COL18A1: variants seen among roughly 807,000 people sequenced by gnomAD.
COL18A1 encodes the protein collagen alpha-1(XVIII) chain.
COL18A1 carries 133 observed loss-of-function variants against 168.0 expected under a neutral mutation model. The observed-to-expected ratio is 0.79, with a 90% CI of 0.69 to 0.91. COL18A1 has a LOEUF of 0.91. Among genes scored for constraint, COL18A1 ranks in the 40% least tolerant of loss-of-function variants. The pLI, the probability that COL18A1 is intolerant of heterozygous loss-of-function variation, is 0.00. For missense variants in COL18A1, 2,126 were observed against 1,925.4 expected (o/e 1.10, Z -1.95); for synonymous variants, 949 against 809.0 (o/e 1.17, Z -2.94).
At chr21:45,497,189 A>G in intron 31 of COL18A1, 97 bp downstream of exon 31, 1 of 844,052 alleles carries the variant, frequency 1.2e-6, no homozygotes, top group Non-Finnish European at 2.0e-6. Flanking sequence ...AGACTCCCCC[A>G]GTGGCCCAAG....
intron 13 of COL18A1, among the ~76,000 whole-genome samples, chr21:45,481,569 G>A (rs549953415): frequency 4.6e-5 from 7 of 152,196 alleles, no homozygotes; most frequent in African/African-American, 1.7e-4. Context: ...CGTCACCATC[G>A]GCTCTGAGGC....
chr21:45,510,619 T>C (rs1272653802), intron 40 of COL18A1, among the ~76,000 whole-genome samples: 1 of 152,216 alleles, frequency 6.6e-6, no homozygotes, highest in African/African-American at 2.4e-5. Context: ...AACCGTCCTT[T>C]GGGCCTCTAG....
chr21:45,437,264 A>T (rs2034149518), intron 2 of COL18A1, among the ~76,000 whole-genome samples: 1 of 102,744 alleles, frequency 9.7e-6, no homozygotes, highest in African/African-American at 4.6e-5. Flanking sequence ...ACACTCACAC[A>T]CTCAGACACA....
chr21:45,498,618 G>C lies in COL18A1; in HGVS notation c.2683+957G>C, dbSNP rs1417921251. On this transcript the variant is annotated intron_variant, in intron 32 of 41. Transcript: ENST00000651438. This position sits in a 1 kb window ranked among gnomAD's most constrained non-coding sequence, Gnocchi z 4.5. ...GGCCGGGACATCCTTAAGGCCTGTG[G>C]AGGCAAAGGCAGGCAGAAAGCAAGC... is the stretch of plus-strand genomic sequence containing the variant. 2 of 707,254 alleles carry C rather than the reference G, an allele frequency of 2.8e-6. No individual in the cohort carries two copies. Among genetic ancestry groups the C allele is most frequent in the African/African-American group, 1.8e-5 (1 of 56,938 alleles). The allele number at this position is 707,254 out of a possible 1,614,324, so 43.8% of individuals were successfully genotyped here.
At chr21:45,461,885 C>T (rs1038664032) in intron 2 of COL18A1, among the ~76,000 whole-genome samples, 5 of 152,346 alleles carry the variant, frequency 3.3e-5, no homozygotes, top group Middle Eastern at 3.4e-3. Flanking sequence ...ATGTGACTTA[C>T]TGTTATTGAC....
chr21:45,512,532 G>A lies in COL18A1; in HGVS notation c.*134G>A, dbSNP rs570448232. 1.9e-4 allele frequency: 147 copies of A among 782,896 alleles called. No individual in the cohort carries two copies. The highest frequency in any genetic ancestry group is 2.7e-4 in the Non-Finnish European group (131 of 481,110). The allele number at this position is 782,896 out of a possible 1,614,324, so 48.5% of individuals were successfully genotyped here. On this transcript the variant is annotated 3_prime_UTR_variant, in exon 42 of 42. Transcript: ENST00000651438. ...CTTTCCTGTATAGTTCACGTTTCAT[G>A]TAATCCTCAAGAAATAAAAGGAAGC...
chr21:45,441,089 A>C (rs2145815917), intron 2 of COL18A1, among the ~76,000 whole-genome samples: 1 of 152,260 alleles, frequency 6.6e-6, no homozygotes, highest in African/African-American at 2.4e-5. Flanking sequence ...CCACCGCCTC[A>C]CATGGCCCTG....
At position 45,494,615 on chromosome 21, in the gene COL18A1, C is replaced by T. The variant is rs369880609; in HGVS notation, c.2379+44C>T. The stretch of plus-strand genomic sequence containing the variant: ...TTCTCTGCACTGAGCTCGGGCATGA[C>T]GGCCCCCAAGGACACGGTCGCCCGC... On this transcript the variant is annotated intron_variant, in intron 27 of 41. Transcript: ENST00000651438. 141 of 1,612,192 alleles carry T rather than the reference C, an allele frequency of 8.7e-5. No individual in the cohort carries two copies. In the Middle Eastern group the frequency reaches 6.5e-3, roughly 74 times the overall value.
rs1779148929 is a variant in COL18A1 at position 45,479,946 on chromosome 21, A to G, written c.1293A>G (p.Val431=). The G allele has an allele frequency of 6.2e-7, 1 of 1,613,614 alleles. No homozygotes were observed. The highest frequency in any genetic ancestry group is 8.5e-7 in the Non-Finnish European group (1 of 1,179,914). Residue 431 remains valine (V), a synonymous_variant, in exon 10 of 42, where the codon GTA becomes GTG. Transcript: ENST00000651438. ...GCTTCCCCGGGACTCCAGGGGACGT[A>G]GGTCCCAAGGGCGACAAGGTGAGTC... The part of the protein sequence containing the change: ...PQGFPGTPGD[V]GPKGDKGDPG...
At chr21:45,422,397 C>A (rs536992230) in intron 2 of COL18A1, 1 of 507,398 alleles carries the variant, frequency 2.0e-6, no homozygotes, top group Non-Finnish European at 4.1e-6. Flanking sequence ...CGCCTGTGGG[C>A]ACTGAGGGTC....
intron 2 of COL18A1, among the ~76,000 whole-genome samples, chr21:45,413,431 G>A (rs1012591230): frequency 6.6e-6 from 1 of 152,214 alleles, no homozygotes; most frequent in Non-Finnish European, 1.5e-5. Context: ...GTGACTGGGC[G>A]GCAAACATTT....
intron 2 of COL18A1, among the ~76,000 whole-genome samples, chr21:45,413,172 C>T (rs12482797): frequency 0.018 from 2,806 of 152,326 alleles, 27 homozygotes; most frequent in Middle Eastern, 0.037. Context: ...GGCAGAGCCC[C>T]GTAGGAGGGA....
intron 2 of COL18A1, among the ~76,000 whole-genome samples, chr21:45,441,977 C>T (rs989138312): frequency 1.3e-5 from 2 of 152,238 alleles, no homozygotes; most frequent in Non-Finnish European, 2.9e-5. Flanking sequence ...GACCCTCACT[C>T]CAGGGAGAGG....
At chr21:45,419,989 T>G (rs2838917) in intron 2 of COL18A1, 2 of 152,102 alleles carry the variant, frequency 1.3e-5, no homozygotes, top group East Asian at 3.9e-4. Flanking sequence ...CATCCTTTCA[T>G]GGTCACAAAT....
intron 36 of COL18A1, 92 bp downstream of exon 36, chr21:45,505,523 C>T (rs1022199897): frequency 4.0e-6 from 3 of 757,726 alleles, no homozygotes; most frequent in African/African-American, 1.7e-5. Context: ...CCCACGGACC[C>T]CACAGGGAGA....
rs141937546 is a variant in COL18A1 at position 45,486,586 on chromosome 21, C to T, written c.1702-275C>T. Among the ~76,000 whole-genome samples the T allele has an allele frequency of 6.7e-4, 102 of 152,318 alleles. 2 individuals are homozygous for T. In the East Asian group the frequency reaches 0.018, roughly 26 times the overall value. On this transcript the variant is annotated intron_variant, in intron 15 of 41. Coordinates refer to ENST00000651438, the MANE Select transcript of COL18A1 (RefSeq NM_001379500.1). ...TAACGAGGGTGCCCTGTGCACCTCCCGCTGTGCATGTGGGCCTCCCCCTGT... is the reference window on the plus strand; with the variant it reads ...TAACGAGGGTGCCCTGTGCACCTCCTGCTGTGCATGTGGGCCTCCCCCTGT...
intron 3 of COL18A1, among the ~76,000 whole-genome samples, chr21:45,469,179 G>A (rs937388823): frequency 2.0e-5 from 3 of 152,230 alleles, no homozygotes; most frequent in African/African-American, 7.2e-5. Context: ...CCCCAGGCCT[G>A]TGCCAAGCCC....
At chr21:45,437,769 C>T (rs370915975) in intron 2 of COL18A1, among the ~76,000 whole-genome samples, 2 of 67,122 alleles carry the variant, frequency 3.0e-5, no homozygotes, top group Non-Finnish European at 2.6e-5. Context: ...CACTCTCCTG[C>T]ACACACACAC....
At chr21:45,488,182 C>T (rs182393717) in intron 17 of COL18A1, among the ~76,000 whole-genome samples, 76 of 152,362 alleles carry the variant, frequency 5.0e-4, no homozygotes, top group Non-Finnish European at 8.7e-4. Flanking sequence ...GTTGAGAGCA[C>T]GGGTGGCTGG....
Sources: allele counts gnomAD v4.1 joint callset (sites outside exome capture counted in the v4.1 genomes callset), GRCh38; gene constraint gnomAD v4.1.1; non-coding constraint Gnocchi (gnomAD v3.1); transcripts MANE v1.5; gene names NCBI Gene and HGNC (gene_info 2026-07-23, HGNC 2026-07-21).